C4orf17: variants seen among roughly 807,000 people sequenced by gnomAD.
C4orf17 encodes the protein chromosome 4 open reading frame 17.
In C4orf17, 25 loss-of-function variants were observed where a neutral mutation model predicts 32.0. That is an observed-to-expected ratio of 0.78 (90% CI 0.57 to 1.09). The LOEUF (loss-of-function observed/expected upper bound fraction) is 1.09, where lower values mean the gene tolerates loss of function less well. Ranked by LOEUF, C4orf17 falls within the 50% of genes least tolerant of loss-of-function variation. The pLI is 0.00. For missense variants in C4orf17, 420 were observed against 420.0 expected (o/e 1.00, Z 0.00); for synonymous variants, 149 against 145.8 (o/e 1.02, Z -0.16).
At chr4:99,536,533 C>T (rs11941470) in intron 5 of C4orf17, among the ~76,000 whole-genome samples, 4 of 152,072 alleles carry the variant, frequency 2.6e-5, no homozygotes, top group Admixed American at 1.3e-4. Flanking sequence ...TGTGTTGTGG[C>T]GGACTCCTCC....
intron 2 of C4orf17, 143 bp downstream of exon 2, chr4:99,513,351 C>T (rs1723127891): frequency 3.8e-6 from 4 of 1,044,050 alleles, no homozygotes; most frequent in Non-Finnish European, 5.6e-6. Context: ...GACTAGATGC[C>T]AGCACTGTAG....
Position 99,522,676 on chromosome 4 carries a change from A to G in C4orf17, c.304A>G (p.Asn102Asp). Residue 102 changes from asparagine to aspartate, a missense_variant, in exon 3 of 9, where the codon AAC becomes GAC. Asn to Asp is a conservative substitution (Grantham distance 23, BLOSUM62 1). Coordinates refer to ENST00000326581, the MANE Select transcript of C4orf17 (RefSeq NM_032149.3). ...SPVRGMSPAPNGAKVPPRPHS... is the reference protein window; with the variant it reads ...SPVRGMSPAPDGAKVPPRPHS... ...TGTAAGAGGAATGTCGCCAGCCCCA[A>G]ACGGTGCCAAAGTGCCTCCACGGCC... The G allele has an allele frequency of 6.2e-7, 1 of 1,613,890 alleles. No homozygotes were observed.
At chr4:99,518,540 T>TAGAG (rs1560585526) in intron 2 of C4orf17, among the ~76,000 whole-genome samples, 12 of 68,806 alleles carry the variant, frequency 1.7e-4, no homozygotes, top group African/African-American at 3.3e-4. Flanking sequence ...TATATATATA[T>TAGAG]ATATAGAGAG....
chr4:99,527,812 T>C (rs1049783259), intron 4 of C4orf17, among the ~76,000 whole-genome samples: 1 of 152,226 alleles, frequency 6.6e-6, no homozygotes, highest in African/African-American at 2.4e-5. Flanking sequence ...AAATCGCTAA[T>C]TATAATTGTG....
rs199697934 is a variant in C4orf17, at chr4:99,522,473, C to G, written c.128-27C>G. The G allele has an allele frequency of 2.0e-5, 32 of 1,568,274 alleles. No homozygotes were observed. The East Asian group carries it at 6.5e-4, about 32-fold the overall frequency. ...CATCTAATCTGGTTGCTTGATCTGT[C>G]TCTTTTTTTAATCTTTACTCACCTA... On this transcript the variant is annotated intron_variant, in intron 2 of 8. Transcript: ENST00000326581.
intron 2 of C4orf17, among the ~76,000 whole-genome samples, chr4:99,518,538 T>TAGAGAG (rs1560585518): frequency 8.3e-5 from 6 of 72,276 alleles, no homozygotes; most frequent in Non-Finnish European, 1.4e-4. Flanking sequence ...TATATATATA[T>TAGAGAG]ATATATAGAG....
intron 4 of C4orf17, among the ~76,000 whole-genome samples, chr4:99,525,930 A>T (rs1372755540): frequency 2.0e-5 from 3 of 151,682 alleles, no homozygotes; most frequent in African/African-American, 7.3e-5. Flanking sequence ...TCTTATTTTG[A>T]TGTGTCTTTA....
At chr4:99,527,392 T>C (rs937724208) in intron 4 of C4orf17, among the ~76,000 whole-genome samples, 1 of 152,190 alleles carries the variant, frequency 6.6e-6, no homozygotes, top group African/African-American at 2.4e-5. Context: ...TAGAACGCAA[T>C]ATAAATATCA....
At chr4:99,521,575 G>T (rs138892234) in intron 2 of C4orf17, among the ~76,000 whole-genome samples, 1 of 152,246 alleles carries the variant, frequency 6.6e-6, no homozygotes, top group Non-Finnish European at 1.5e-5. Flanking sequence ...ATTTCAGACA[G>T]AGTTGCCAGC....
At chr4:99,523,461 A>G (rs889062841) in intron 3 of C4orf17, among the ~76,000 whole-genome samples, 2 of 152,228 alleles carry the variant, frequency 1.3e-5, no homozygotes, top group Non-Finnish European at 2.9e-5. Flanking sequence ...ATATGGACAT[A>G]TACTGTTCTA....
At chr4:99,521,056 A>C (rs1723279850) in intron 2 of C4orf17, among the ~76,000 whole-genome samples, 1 of 152,212 alleles carries the variant, frequency 6.6e-6, no homozygotes. Flanking sequence ...TTAGCTAATA[A>C]GCATTAGCTT....
intron 4 of C4orf17, among the ~76,000 whole-genome samples, chr4:99,528,611 T>C (rs1372724058): frequency 1.3e-5 from 2 of 152,210 alleles, no homozygotes; most frequent in Non-Finnish European, 2.9e-5. Flanking sequence ...AGAGATTTAA[T>C]TGACTCACAG....
chr4:99,537,747 A>C lies in C4orf17; in HGVS notation c.625A>C (p.Lys209Gln). The C allele has an allele frequency of 6.2e-7, 1 of 1,608,196 alleles. No individual in the cohort carries two copies. Among genetic ancestry groups the C allele is most frequent in the Non-Finnish European group, 8.5e-7 (1 of 1,176,414 alleles). ...VLQWLLHATS[K>Q]EKEWVSALIH... The stretch of plus-strand genomic sequence containing the variant: ...ACAGTGGCTGCTTCATGCAACTTCA[A>C]AAGGTGCGATTAAGATATAAATTTT... Residue 209 changes from lysine to glutamine, a missense_variant, in exon 6 of 9, where the codon AAA becomes CAA. By Grantham distance (53) the Lys-to-Gln change is moderately conservative. Transcript: ENST00000326581.
chr4:99,517,572 C>T (rs1723209163), intron 2 of C4orf17, among the ~76,000 whole-genome samples: 1 of 93,834 alleles, frequency 1.1e-5, no homozygotes, highest in Admixed American at 1.2e-4. Context: ...TTTCTTTCTT[C>T]ACCTTTAAAA....
At chr4:99,530,576 T>C (rs1723462826) in intron 5 of C4orf17, among the ~76,000 whole-genome samples, 1 of 152,080 alleles carries the variant, frequency 6.6e-6, no homozygotes, top group Non-Finnish European at 1.5e-5. Context: ...TGAACCACCA[T>C]AAGTCCCACT....
At position 99,522,543 on chromosome 4, in the gene C4orf17, T is replaced by G; in HGVS notation, c.171T>G (p.Asn57Lys). 1 of 1,614,080 alleles carries G rather than the reference T, an allele frequency of 6.2e-7. No homozygotes were observed. The highest frequency in any genetic ancestry group is 1.1e-5 in the South Asian group (1 of 91,080). ...IPICTVNDDE[N>K]AFGTLWGVGQ... ...TCTGTACTGTGAATGATGATGAGAA[T>G]GCATTTGGAACATTGTGGGGAGTTG... Residue 57 changes from asparagine (N) to lysine (K), a missense_variant, in exon 3 of 9, where the codon AAT becomes AAG. Coordinates refer to ENST00000326581, the MANE Select transcript of C4orf17 (RefSeq NM_032149.3).
intron 2 of C4orf17, among the ~76,000 whole-genome samples, chr4:99,516,208 G>A (rs1723178044): frequency 6.6e-6 from 1 of 152,154 alleles, no homozygotes; most frequent in African/African-American, 2.4e-5. Flanking sequence ...CAAAGTTTCT[G>A]AGGGAGGAAA....
At chr4:99,523,728 G>A (rs1366305238) in intron 3 of C4orf17, among the ~76,000 whole-genome samples, 1 of 152,006 alleles carries the variant, frequency 6.6e-6, no homozygotes, top group Non-Finnish European at 1.5e-5. Context: ...TAATGTAAAG[G>A]GAAATTAAGT....
chr4:99,537,838 G>A (rs1723586812), intron 6 of C4orf17, 88 bp downstream of exon 6: 1 of 949,326 alleles, frequency 1.1e-6, no homozygotes, highest in Admixed American at 1.7e-5. Context: ...TTTGTACCTT[G>A]GATTTGCAAA....
Sources: allele counts gnomAD v4.1 joint callset (sites outside exome capture counted in the v4.1 genomes callset), GRCh38; gene constraint gnomAD v4.1.1; transcripts MANE v1.5; gene names NCBI Gene and HGNC (gene_info 2026-07-23, HGNC 2026-07-21).